The following PARK7 variants were observed in gnomAD, a reference collection of about 807,000 sequenced individuals.
PARK7 encodes Parkinsonism associated deglycase.
A neutral mutation model predicts 20.5 loss-of-function variants in PARK7; 14 were observed. The ratio of observed to expected loss-of-function variants is 0.68; its 90% confidence interval spans 0.45 to 1.07. The LOEUF is 1.07. PARK7 is among the 50% of genes least tolerant of loss of function. The pLI is 0.00. For synonymous variants in PARK7, 98 were observed against 84.3 expected (o/e 1.16, Z -0.89); for missense variants, 234 against 238.1 (o/e 0.98, Z 0.11).
chr1:7,967,920 C>G (rs1640361585), intron 3 of PARK7, among the ~76,000 whole-genome samples: 1 of 151,602 alleles, frequency 6.6e-6, no homozygotes. Flanking sequence ...GGGCTTCTCT[C>G]TAAAAAAATT....
chr1:7,973,517 C>T (rs1416987043), intron 5 of PARK7, among the ~76,000 whole-genome samples: 3 of 152,180 alleles, frequency 2.0e-5, no homozygotes, highest in Non-Finnish European at 2.9e-5. Flanking sequence ...AGTTCGAAAC[C>T]AGCCTGGCCA....
intron 5 of PARK7, among the ~76,000 whole-genome samples, chr1:7,975,852 T>G (rs1640574387): frequency 6.6e-6 from 1 of 152,206 alleles, no homozygotes; most frequent in African/African-American, 2.4e-5. Flanking sequence ...TAAAAACAAT[T>G]TATAAATCCA....
intron 4 of PARK7, among the ~76,000 whole-genome samples, 191 bp downstream of exon 4, chr1:7,969,595 T>G (rs1290631243): frequency 6.6e-6 from 1 of 152,148 alleles, no homozygotes; most frequent in East Asian, 1.9e-4. Flanking sequence ...TTTTTTTTTT[T>G]TTTGAGACAG....
rs74698905 is a variant in PARK7, at chr1:7,979,922, C to T, written c.409+2184C>T. ...CTGTAATCCCAGCACTTGGGGAGGC[C>T]GGTGGGGGAGGTAGATCACGAGGTC... is the stretch of plus-strand genomic sequence containing the variant. On this transcript the variant is annotated intron_variant, in intron 6 of 6. Coordinates refer to ENST00000338639, the MANE Select transcript of PARK7 (RefSeq NM_007262.5). 5.7e-3 allele frequency among the ~76,000 whole-genome samples: 864 copies of T among 152,018 alleles called. 8 individuals carry two copies. The highest frequency in any genetic ancestry group is 0.02 in the African/African-American group (837 of 41,458).
chr1:7,972,982 G>A (rs990391829), intron 5 of PARK7, among the ~76,000 whole-genome samples: 1 of 152,086 alleles, frequency 6.6e-6, no homozygotes, highest in South Asian at 2.1e-4. Flanking sequence ...CCCGGGCGGC[G>A]GAGGTTGCAG....
chr1:7,963,387 T>C (rs1352964941), intron 2 of PARK7, among the ~76,000 whole-genome samples: 1 of 123,106 alleles, frequency 8.1e-6, no homozygotes, highest in African/African-American at 3.2e-5. Flanking sequence ...TTTTTTCTTC[T>C]TTTTTTTTTT....
At chr1:7,979,230 T>A (rs990199831) in intron 6 of PARK7, among the ~76,000 whole-genome samples, 11 of 152,200 alleles carry the variant, frequency 7.2e-5, no homozygotes, top group African/African-American at 2.7e-4. Flanking sequence ...TGCATGTTTT[T>A]TAATTACTAA....
intron 4 of PARK7, among the ~76,000 whole-genome samples, chr1:7,969,983 G>A (rs6702770): frequency 0.072 from 10,996 of 152,206 alleles, 1,236 homozygotes; most frequent in African/African-American, 0.24. Flanking sequence ...CTTGAGGCCA[G>A]GAGTTTGAGA....
chr1:7,979,149 A>G (rs1640658591), intron 6 of PARK7, among the ~76,000 whole-genome samples: 1 of 152,286 alleles, frequency 6.6e-6, no homozygotes, highest in East Asian at 1.9e-4. Flanking sequence ...CCATGCCATA[A>G]TGATCATCCT....
rs777064688 is a variant in PARK7 at position 7,985,089 on chromosome 1, G to A, written c.*35G>A. The stretch of plus-strand genomic sequence containing the variant: ...CTGCGACGATCACTTAGAGAAACAG[G>A]CCGTTAGGAATCCATTCTCACTGTG... On this transcript the variant is annotated 3_prime_UTR_variant, in exon 7 of 7. Coordinates refer to ENST00000338639, the MANE Select transcript of PARK7 (RefSeq NM_007262.5). The A allele has an allele frequency of 1.9e-6, 3 of 1,606,332 alleles. No individual in the cohort carries two copies. Among genetic ancestry groups the A allele is most frequent in the Non-Finnish European group, 2.5e-6 (3 of 1,176,744 alleles).
Position 7,969,957 on chromosome 1 carries a change from T to C in PARK7, c.252+553T>C, listed in dbSNP as rs572010454. 1.5e-4 allele frequency among the ~76,000 whole-genome samples: 23 copies of C among 152,290 alleles called. No individual in the cohort carries two copies. In the South Asian group the frequency reaches 2.9e-3, roughly 19 times the overall value. On this transcript the variant is annotated intron_variant, in intron 4 of 6. Coordinates refer to ENST00000338639, the MANE Select transcript of PARK7 (RefSeq NM_007262.5). The stretch of plus-strand genomic sequence containing the variant: ...CTATAATCCCAGTGGTTTGGGAGGC[T>C]GAGACAGGAGGATTGCTTGAGGCCA...
intron 3 of PARK7, 37 bp downstream of exon 3, chr1:7,965,462 G>T: frequency 1.3e-6 from 2 of 1,557,916 alleles, no homozygotes; most frequent in Non-Finnish European, 1.8e-6. Context: ...CCTTCATATG[G>T]CTTCTTTGTT....
rs1006233556 is a variant in PARK7 at position 7,965,362 on chromosome 1, A to G, written c.129A>G (p.Pro43=). 12 of 1,614,102 alleles carry G rather than the reference A, an allele frequency of 7.4e-6. No homozygotes were observed. In the African/African-American group the frequency reaches 1.2e-4, roughly 16 times the overall value. Residue 43 remains proline (P), a synonymous_variant, in exon 3 of 7, where the codon CCA becomes CCG. Transcript: ENST00000338639. ...TTGCAGGCCTGGCTGGAAAAGACCC[A>G]GTACAGTGTAGCCGTGATGTGGTCA... is the stretch of plus-strand genomic sequence containing the variant. ...VTVAGLAGKD[P]VQCSRDVVIC... is the part of the protein sequence containing the mutation.
intron 2 of PARK7, 59 bp downstream of exon 2, chr1:7,962,934 C>A: frequency 1.5e-6 from 2 of 1,336,638 alleles, no homozygotes; most frequent in Admixed American, 1.7e-5. Flanking sequence ...ATTTTTAAAT[C>A]ATTTTGAATA....
intron 2 of PARK7, 77 bp downstream of exon 2, chr1:7,962,952 C>A: frequency 2.6e-6 from 3 of 1,171,304 alleles, no homozygotes; most frequent in South Asian, 2.5e-5. Context: ...ATAAAATATT[C>A]AAAGTGCTCT....
At chr1:7,974,137 C>CCCG (rs1306598846) in intron 5 of PARK7, among the ~76,000 whole-genome samples, 4 of 148,886 alleles carry the variant, frequency 2.7e-5, no homozygotes, top group Admixed American at 6.7e-5. Flanking sequence ...TAGTGAGACC[C>CCCG]CCCCACCGAC....
At chr1:7,982,002 G>A (rs1640722331) in intron 6 of PARK7, among the ~76,000 whole-genome samples, 1 of 122,784 alleles carries the variant, frequency 8.1e-6, no homozygotes, top group Non-Finnish European at 1.6e-5. Flanking sequence ...TTGAGACGGA[G>A]TCTTGCTCTC....
chr1:7,978,485 C>T (rs1233988400), intron 6 of PARK7, among the ~76,000 whole-genome samples: 3 of 151,456 alleles, frequency 2.0e-5, no homozygotes, highest in Admixed American at 6.6e-5. Flanking sequence ...CTCCGCCTCC[C>T]GGGTTCAAGG....
chr1:7,962,638 C>A, intron 1 of PARK7, 125 bp from the exon 2 acceptor site: 1 of 642,720 alleles, frequency 1.6e-6, no homozygotes, highest in Non-Finnish European at 2.7e-6. Context: ...ATTCAGTTGT[C>A]TATGAAAACC....
Sources: allele counts gnomAD v4.1 joint callset (sites outside exome capture counted in the v4.1 genomes callset), GRCh38; gene constraint gnomAD v4.1.1; transcripts MANE v1.5; gene names NCBI Gene and HGNC (gene_info 2026-07-23, HGNC 2026-07-21).